The following CYTH4 variants were observed in gnomAD, a reference collection of about 807,000 sequenced individuals.
The protein encoded by CYTH4 is cytohesin 4.
CYTH4 carries 22 observed loss-of-function variants against 57.5 expected under a neutral mutation model. The observed-to-expected ratio is 0.38, with a 90% CI of 0.27 to 0.55. The LOEUF is 0.55. CYTH4 is among the 20% of genes least tolerant of loss of function. CYTH4 has a pLI of 0.74. For missense variants in CYTH4, 420 were observed against 535.6 expected, an observed-to-expected ratio of 0.78 and a Z score of 2.13; for synonymous variants, 186 against 206.5, an observed-to-expected ratio of 0.90 and a Z score of 0.85.
rs989327652 is a variant in CYTH4, at chr22:37,284,951, G to T, written c.19+2363G>T. On this transcript the variant is annotated intron_variant, in intron 1 of 12. Coordinates refer to ENST00000248901, the MANE Select transcript of CYTH4 (RefSeq NM_013385.5). The stretch of plus-strand genomic sequence containing the variant: ...GAGCCAGCTCGGCTGGGGCGGTGGG[G>T]GGGCGGCGGGGGAGGAAGCCGCACT... Among the ~76,000 whole-genome samples, 2 of 152,290 alleles carry T rather than the reference G, an allele frequency of 1.3e-5. 1 individual carries two copies. Among genetic ancestry groups the T allele is most frequent in the South Asian group, 4.1e-4 (2 of 4,832 alleles).
intron 1 of CYTH4, among the ~76,000 whole-genome samples, chr22:37,282,972 T>G (rs1005961033): frequency 9.2e-5 from 14 of 152,162 alleles, no homozygotes; most frequent in African/African-American, 3.4e-4. Context: ...CTGAGGAAGA[T>G]GTCAGCTAAG....
At chr22:37,284,522 G>A (rs1928478555) in intron 1 of CYTH4, among the ~76,000 whole-genome samples, 2 of 152,192 alleles carry the variant, frequency 1.3e-5, no homozygotes, top group South Asian at 4.1e-4. Flanking sequence ...CCCAGACTGG[G>A]TCTTAAATGG....
At chr22:37,303,874 C>A (rs902376442) in intron 8 of CYTH4, among the ~76,000 whole-genome samples, 1 of 152,210 alleles carries the variant, frequency 6.6e-6, no homozygotes, top group Non-Finnish European at 1.5e-5. Flanking sequence ...TACCAACCTC[C>A]GGTCGCTTCC....
chr22:37,292,835 C>G (rs2145857649), intron 2 of CYTH4, 132 bp downstream of exon 2: 1 of 810,014 alleles, frequency 1.2e-6, no homozygotes, highest in East Asian at 2.9e-5. Flanking sequence ...AGCCTCGGCC[C>G]CAGCCCCAGG....
At position 37,298,769 on chromosome 22, in the gene CYTH4, C is replaced by T. The variant is rs1411394499; in HGVS notation, c.354-457C>T. ...AGCTCCCAAGGACACCCCTCCCTCCCGCGGTGAGCAGGGGATGCAGACGGT... is the reference window on the plus strand; with the variant it reads ...AGCTCCCAAGGACACCCCTCCCTCCTGCGGTGAGCAGGGGATGCAGACGGT... On this transcript the variant is annotated intron_variant, in intron 5 of 12. Coordinates refer to ENST00000248901, the MANE Select transcript of CYTH4 (RefSeq NM_013385.5). This position sits in a 1 kb window ranked among gnomAD's most constrained non-coding sequence, Gnocchi z 4.1. Among the ~76,000 whole-genome samples the T allele has an allele frequency of 2.6e-5, 4 of 152,128 alleles. No individual in the cohort carries two copies. The highest frequency in any genetic ancestry group is 4.4e-5 in the Non-Finnish European group (3 of 68,012).
intron 1 of CYTH4, among the ~76,000 whole-genome samples, chr22:37,288,538 A>T (rs543690264): frequency 2.0e-5 from 3 of 151,994 alleles, no homozygotes; most frequent in African/African-American, 7.2e-5. Context: ...GTGAGCCAAG[A>T]TCATGTCACT....
chr22:37,288,650 C>T (rs574299958), intron 1 of CYTH4, among the ~76,000 whole-genome samples: 1 of 152,218 alleles, frequency 6.6e-6, no homozygotes, highest in Admixed American at 6.5e-5. Flanking sequence ...ACTCCCACTC[C>T]TACCCCTCAG....
intron 1 of CYTH4, among the ~76,000 whole-genome samples, chr22:37,287,171 T>C (rs1004619914): frequency 2.0e-5 from 3 of 151,926 alleles, no homozygotes; most frequent in African/African-American, 7.3e-5. Context: ...GATCTGAAGC[T>C]CAGAGAAGGG....
At chr22:37,285,432 A>G (rs987968022) in intron 1 of CYTH4, among the ~76,000 whole-genome samples, 6 of 152,282 alleles carry the variant, frequency 3.9e-5, no homozygotes, top group East Asian at 3.9e-4. Context: ...CTGGCCAGGC[A>G]TGGTGGCTCA....
At chr22:37,303,029 G>A (rs565352668) in intron 7 of CYTH4, among the ~76,000 whole-genome samples, 5 of 152,262 alleles carry the variant, frequency 3.3e-5, no homozygotes, top group Admixed American at 6.5e-5. Context: ...GAGCGTACGC[G>A]CGGAGGTAGG....
chr22:37,311,094 G>A lies in CYTH4; in HGVS notation c.885+30G>A. 1 of 1,609,380 alleles carries A rather than the reference G, an allele frequency of 6.2e-7. No homozygotes were observed. The highest frequency in any genetic ancestry group is 8.5e-7 in the Non-Finnish European group (1 of 1,176,218). On this transcript the variant is annotated intron_variant, in intron 10 of 12. Coordinates refer to ENST00000248901, the MANE Select transcript of CYTH4 (RefSeq NM_013385.5). This position sits in a 1 kb window ranked among gnomAD's most constrained non-coding sequence, Gnocchi z 4.4. ...GCAGGGTTCTCCTGGGCCTTCCCCTGCCCCCGCCTCTCCCCGCACAACCCA... is the reference window on the plus strand; with the variant it reads ...GCAGGGTTCTCCTGGGCCTTCCCCTACCCCCGCCTCTCCCCGCACAACCCA...
rs536654023 is a variant in CYTH4, at chr22:37,311,325, C to A, written c.886-131C>A. 44 of 853,532 alleles carry A rather than the reference C, an allele frequency of 5.2e-5. No individual in the cohort carries two copies. The African/African-American group carries it at 6.5e-4, about 13-fold the overall frequency. The allele number at this position is 853,532 out of a possible 1,614,324, so 52.9% of individuals were successfully genotyped here. Reference sequence around the variant, plus strand: ...ACATGCTGCTTCTAACTTCCGTCCCCCTATGACTGGACAGTCTCGGAAGAT... The same window carrying A: ...ACATGCTGCTTCTAACTTCCGTCCCACTATGACTGGACAGTCTCGGAAGAT... On this transcript the variant is annotated intron_variant, in intron 10 of 12. Coordinates refer to ENST00000248901, the MANE Select transcript of CYTH4 (RefSeq NM_013385.5). This position sits in a 1 kb window ranked among gnomAD's most constrained non-coding sequence, Gnocchi z 4.4.
chr22:37,309,848 C>A, intron 9 of CYTH4: 1 of 308,210 alleles, frequency 3.2e-6, no homozygotes, highest in Non-Finnish European at 6.9e-6. Flanking sequence ...TCCCTTCAAG[C>A]TGACTGGGGG....
intron 1 of CYTH4, among the ~76,000 whole-genome samples, chr22:37,289,568 C>T (rs1352314555): frequency 6.6e-6 from 1 of 152,222 alleles, no homozygotes; most frequent in Non-Finnish European, 1.5e-5. Context: ...GAGGGATAGA[C>T]CCTGGTCCAC....
intron 8 of CYTH4, 112 bp downstream of exon 8, chr22:37,303,514 C>A: frequency 7.1e-7 from 1 of 1,400,202 alleles, no homozygotes; most frequent in Non-Finnish European, 9.4e-7. Context: ...CCAGTGGGGA[C>A]TCTGCTGATA....
chr22:37,290,721 G>T (rs1928719188), intron 1 of CYTH4, among the ~76,000 whole-genome samples: 1 of 152,172 alleles, frequency 6.6e-6, no homozygotes, highest in Admixed American at 6.5e-5. Context: ...TGTTATCCAG[G>T]ATGGTCTCGA....
chr22:37,300,359 GC>G (rs897406456), intron 6 of CYTH4: 27 of 666,520 alleles, frequency 4.1e-5, no homozygotes, highest in African/African-American at 3.9e-4. Flanking sequence ...CTGAGCCTTT[GC>G]TAGGTGCCCA....
chr22:37,308,805 T>C (rs1929519704), intron 8 of CYTH4, among the ~76,000 whole-genome samples: 1 of 152,130 alleles, frequency 6.6e-6, no homozygotes, highest in South Asian at 2.1e-4. Flanking sequence ...CATGCATGTG[T>C]GTGCATGTAT....
At chr22:37,304,275 A>G (rs1370423088) in intron 8 of CYTH4, 1 of 456,686 alleles carries the variant, frequency 2.2e-6, no homozygotes, top group Non-Finnish European at 4.4e-6. Flanking sequence ...AGAGGTGTCC[A>G]GTGTGGCCGA....
Sources: gnomAD v4.1 joint callset for allele counts (sites outside exome capture counted in the v4.1 genomes callset) on GRCh38, gnomAD v4.1.1 for gene constraint, Gnocchi (gnomAD v3.1) non-coding constraint, MANE v1.5 for transcripts, NCBI Gene and HGNC (gene_info 2026-07-23, HGNC 2026-07-21) for gene names.